The following PDGFD variants were observed in gnomAD, a reference collection of about 807,000 sequenced individuals.
PDGFD encodes the protein platelet-derived growth factor D.
A neutral mutation model predicts 44.7 loss-of-function variants in PDGFD; 30 were observed. The ratio of observed to expected loss-of-function variants is 0.67; its 90% CI spans 0.50 to 0.91. The LOEUF is 0.91. Ranked by LOEUF, PDGFD falls within the 40% of genes least tolerant of loss-of-function variation. The pLI is 0.00. For synonymous variants in PDGFD, 173 were observed against 168.4 expected (o/e 1.03, Z -0.21); for missense variants, 445 against 457.8 (o/e 0.97, Z 0.25).
chr11:103,997,892 C>T (rs1032165577), intron 2 of PDGFD, among the ~76,000 whole-genome samples: 3 of 152,012 alleles, frequency 2.0e-5, no homozygotes, highest in Non-Finnish European at 4.4e-5. Context: ...GTCTCTTTCC[C>T]GTCTTTCTCT....
At chr11:104,069,841 C>G (rs182524779) in intron 1 of PDGFD, among the ~76,000 whole-genome samples, 84 of 151,624 alleles carry the variant, frequency 5.5e-4, no homozygotes, top group Non-Finnish European at 9.0e-4. Flanking sequence ...GCCTGGGTGA[C>G]AGAGCGAGAC....
At chr11:103,970,014 TAC>T (rs1248630718) in intron 3 of PDGFD, among the ~76,000 whole-genome samples, 9 of 152,070 alleles carry the variant, frequency 5.9e-5, no homozygotes, top group Admixed American at 5.9e-4. Context: ...GTGCTAATTA[TAC>T]ACACTATACA....
rs116821335 is a variant in PDGFD, at chr11:104,016,330, G to A, written c.125-16075C>T. On this transcript the variant is annotated intron_variant, in intron 1 of 6. Coordinates refer to ENST00000393158, the MANE Select transcript of PDGFD (RefSeq NM_025208.5). ...CAGCAGTTTCAGCTATCTCTCCCTC[G>A]CAGGGTTGGATTCAAGGCCAAAGAA... Among the ~76,000 whole-genome samples the A allele has an allele frequency of 2.7e-3, 410 of 152,228 alleles. 3 individuals are homozygous for A. The highest frequency in any genetic ancestry group is 9.5e-3 in the African/African-American group (394 of 41,542).
intron 1 of PDGFD, among the ~76,000 whole-genome samples, chr11:104,008,480 A>G (rs1476245566): frequency 1.3e-5 from 2 of 152,144 alleles, no homozygotes; most frequent in African/African-American, 2.4e-5. Context: ...AAAAATCTCT[A>G]TTTCTTTTCA....
At chr11:104,029,027 A>G (rs190225335) in intron 1 of PDGFD, among the ~76,000 whole-genome samples, 1 of 152,272 alleles carries the variant, frequency 6.6e-6, no homozygotes, top group Non-Finnish European at 1.5e-5. Flanking sequence ...TATTTTATCA[A>G]TACATAAGTA....
chr11:104,000,220 C>T lies in PDGFD; in HGVS notation c.160G>A (p.Glu54Lys). The T allele has an allele frequency of 6.2e-7, 1 of 1,614,050 alleles. No individual in the cohort carries two copies. The highest frequency in any genetic ancestry group is 8.5e-7 in the Non-Finnish European group (1 of 1,179,974). ...CCGTTTCCTTTCACCTGGATGGTCTCATCTCTTCGGTACAAGTCTGTGAGG... is the reference window on the plus strand; with the variant it reads ...CCGTTTCCTTTCACCTGGATGGTCTTATCTCTTCGGTACAAGTCTGTGAGG... ...NHLTDLYRRDETIQVKGNGYV... is the reference protein window; with the variant it reads ...NHLTDLYRRDKTIQVKGNGYV... The change falls in exon 2 of 7, where the codon GAG becomes AAG. Residue 54 changes from glutamate to lysine, a missense_variant. Coordinates refer to ENST00000393158, the MANE Select transcript of PDGFD (RefSeq NM_025208.5).
intron 3 of PDGFD, among the ~76,000 whole-genome samples, chr11:103,978,324 C>T (rs260829): frequency 0.52 from 79,543 of 151,706 alleles, 21,409 homozygotes; most frequent in African/African-American, 0.64. Flanking sequence ...AAAACATGAA[C>T]ATTGTCTTTC....
chr11:104,139,350 C>A (rs1409182305), intron 1 of PDGFD, among the ~76,000 whole-genome samples: 1 of 152,038 alleles, frequency 6.6e-6, no homozygotes, highest in Non-Finnish European at 1.5e-5. Flanking sequence ...GATATAACTT[C>A]TAATGAAACA....
At chr11:104,064,374 C>T (rs1433782112) in intron 1 of PDGFD, among the ~76,000 whole-genome samples, 1 of 152,158 alleles carries the variant, frequency 6.6e-6, no homozygotes, top group Non-Finnish European at 1.5e-5. Context: ...ATACAGATGC[C>T]AAATGCACTT....
Position 104,069,712 on chromosome 11 carries a change from T to C in PDGFD, c.125-69457A>G, listed in dbSNP as rs752827144. Reference sequence around the variant, plus strand: ...CGTCTCTACTAAAAATACAAAAAATTAGCTGGGCGTGTTGGCCGGTGCCTG... The same window carrying C: ...CGTCTCTACTAAAAATACAAAAAATCAGCTGGGCGTGTTGGCCGGTGCCTG... On this transcript the variant is annotated intron_variant, in intron 1 of 6. Transcript: ENST00000393158. Among the ~76,000 whole-genome samples, 95 of 152,180 alleles carry C rather than the reference T, an allele frequency of 6.2e-4. 1 individual carries two copies. The highest frequency in any genetic ancestry group is 1.2e-3 in the South Asian group (6 of 4,830).
chr11:104,063,705 C>T (rs1860746762), intron 1 of PDGFD, among the ~76,000 whole-genome samples: 2 of 152,066 alleles, frequency 1.3e-5, no homozygotes, highest in African/African-American at 2.4e-5. Context: ...CATGGCAGCA[C>T]GGGAGAGAGA....
chr11:104,028,742 T>A (rs1362168114), intron 1 of PDGFD, among the ~76,000 whole-genome samples: 1 of 149,142 alleles, frequency 6.7e-6, no homozygotes, highest in Non-Finnish European at 1.5e-5. Context: ...AACCAAGTCT[T>A]TGTTCACAGT....
intron 3 of PDGFD, among the ~76,000 whole-genome samples, chr11:103,977,684 CTTTGT>C (rs1859204303): frequency 6.6e-6 from 1 of 151,940 alleles, no homozygotes; most frequent in Non-Finnish European, 1.5e-5. Context: ...GCATATGTTT[CTTTGT>C]TTTGATTATA....
chr11:104,102,040 C>T (rs187465310), intron 1 of PDGFD, among the ~76,000 whole-genome samples: 4 of 151,966 alleles, frequency 2.6e-5, no homozygotes, highest in Admixed American at 2.6e-4. Flanking sequence ...GTCTAAAACA[C>T]CAAAAGCAAT....
chr11:104,042,847 T>C (rs1224474808), intron 1 of PDGFD, among the ~76,000 whole-genome samples: 3 of 152,348 alleles, frequency 2.0e-5, no homozygotes, highest in African/African-American at 4.8e-5. Flanking sequence ...TCCGTTAAGA[T>C]GCAGAGGAAA....
chr11:104,113,579 C>A (rs1275454867), intron 1 of PDGFD, among the ~76,000 whole-genome samples: 1 of 150,110 alleles, frequency 6.7e-6, no homozygotes, highest in African/African-American at 2.5e-5. Flanking sequence ...TATAAACATC[C>A]AACTGCAGTG....
At chr11:103,914,540 T>C (rs2134300906) in intron 6 of PDGFD, among the ~76,000 whole-genome samples, 1 of 149,284 alleles carries the variant, frequency 6.7e-6, no homozygotes, top group Middle Eastern at 3.4e-3. Flanking sequence ...GCTGGTACTA[T>C]TCCTTCTGAA....
At chr11:104,058,311 TAACTC>T (rs1187340016) in intron 1 of PDGFD, among the ~76,000 whole-genome samples, 1 of 151,936 alleles carries the variant, frequency 6.6e-6, no homozygotes, top group African/African-American at 2.4e-5. Context: ...AGAAGAAAAA[TAACTC>T]AATACAACAT....
chr11:104,095,868 T>C (rs1223283012), intron 1 of PDGFD, among the ~76,000 whole-genome samples: 1 of 152,194 alleles, frequency 6.6e-6, no homozygotes, highest in Non-Finnish European at 1.5e-5. Context: ...ACACTAGAAA[T>C]GAAATCCCTC....
Sources: allele counts gnomAD v4.1 joint callset (sites outside exome capture counted in the v4.1 genomes callset), GRCh38; gene constraint gnomAD v4.1.1; transcripts MANE v1.5; gene names NCBI Gene and HGNC (gene_info 2026-07-23, HGNC 2026-07-21).